Variants in CLYBL observed in about 807,000 individuals in gnomAD.
The protein encoded by CLYBL is citramalyl-CoA lyase, mitochondrial.
Under a neutral mutation model 38.9 loss-of-function variants are expected in CLYBL, and 31 were observed. The observed-to-expected ratio is 0.80, with a 90% CI of 0.60 to 1.08. The LOEUF (loss-of-function observed/expected upper bound fraction) is 1.08. Ranked by LOEUF, CLYBL falls within the 50% of genes least tolerant of loss-of-function variation. The pLI is 0.00. For missense variants in CLYBL, 434 were observed against 411.6 expected, an observed-to-expected ratio of 1.05 and a Z score of -0.47; for synonymous variants, 171 against 158.6, an observed-to-expected ratio of 1.08 and a Z score of -0.59.
intron 2 of CLYBL, among the ~76,000 whole-genome samples, chr13:99,808,649 G>C (rs1210129259): frequency 6.6e-6 from 1 of 152,176 alleles, no homozygotes; most frequent in African/African-American, 2.4e-5. Flanking sequence ...GGTGCCAATT[G>C]AGGTTTCAAC....
At chr13:99,789,293 G>A (rs542646762) in intron 2 of CLYBL, among the ~76,000 whole-genome samples, 2 of 152,194 alleles carry the variant, frequency 1.3e-5, no homozygotes, top group East Asian at 3.9e-4. Flanking sequence ...TGATGTTAGG[G>A]TGTCAATTTT....
chr13:99,623,584 A>AT (rs916555062), intron 1 of CLYBL, among the ~76,000 whole-genome samples: 1 of 151,920 alleles, frequency 6.6e-6, no homozygotes, highest in Non-Finnish European at 1.5e-5. Context: ...TTCTTTATTT[A>AT]TTTTTTAACA....
intron 1 of CLYBL, among the ~76,000 whole-genome samples, chr13:99,736,977 CAAAAAA>C (rs911453148): frequency 6.6e-6 from 1 of 150,798 alleles, no homozygotes; most frequent in Admixed American, 6.6e-5. Flanking sequence ...AAATGAAAGC[CAAAAAA>C]AACCCTTTAG....
At chr13:99,725,590 T>C (rs1315407552) in intron 1 of CLYBL, among the ~76,000 whole-genome samples, 1 of 152,222 alleles carries the variant, frequency 6.6e-6, no homozygotes, top group Admixed American at 6.5e-5. Flanking sequence ...GTGGGAAATG[T>C]TAACTGTTTT....
At position 99,869,684 on chromosome 13, in the gene CLYBL, G is replaced by A. The variant is rs573571306; in HGVS notation, c.803-1254G>A. ...AAACACTAAAAATATGTTTTTACAAGCATCATTCCTTTTTTCATTCTAATA... is the reference window on the plus strand; with the variant it reads ...AAACACTAAAAATATGTTTTTACAAACATCATTCCTTTTTTCATTCTAATA... On this transcript the variant is annotated intron_variant, in intron 6 of 8. Transcript: ENST00000339105. The surrounding 1 kb of genome is among the most constrained non-coding windows in gnomAD (Gnocchi z 4.3). Among the ~76,000 whole-genome samples, 13 of 152,122 alleles carry A rather than the reference G, an allele frequency of 8.5e-5. No individual in the cohort carries two copies. Among genetic ancestry groups the A allele is most frequent in the South Asian group, 6.2e-4 (3 of 4,810 alleles).
rs188728654 is a variant in CLYBL, at chr13:99,758,390, C to T, written c.63-14434C>T. 1.3e-3 allele frequency among the ~76,000 whole-genome samples: 203 copies of T among 152,288 alleles called. 1 individual carries two copies. Among genetic ancestry groups the T allele is most frequent in the African/African-American group, 4.6e-3 (192 of 41,556 alleles). ...CCATAAGGCTACCAGATTTTTTCAA[C>T]GCATCTTAAGCCCCTGCTTTGCATA... On this transcript the variant is annotated intron_variant, in intron 1 of 8. Coordinates refer to ENST00000339105, the MANE Select transcript of CLYBL (RefSeq NM_206808.5).
At chr13:99,672,680 G>A (rs1160659689) in intron 1 of CLYBL, among the ~76,000 whole-genome samples, 1 of 151,886 alleles carries the variant, frequency 6.6e-6, no homozygotes, top group Non-Finnish European at 1.5e-5. Context: ...GGAGGTGTGA[G>A]GATCACTTGA....
intron 1 of CLYBL, among the ~76,000 whole-genome samples, chr13:99,713,357 T>C (rs2048263762): frequency 7.1e-6 from 1 of 141,664 alleles, no homozygotes; most frequent in South Asian, 2.2e-4. Flanking sequence ...TTTTTTTTTT[T>C]AAGACAGAGT....
chr13:99,903,418 G>A (rs9585261), intron 8 of CLYBL, among the ~76,000 whole-genome samples: 11,626 of 141,052 alleles, frequency 0.082, 662 homozygotes, highest in African/African-American at 0.17. Flanking sequence ...TCACACACTC[G>A]CACACGCACA....
At chr13:99,650,819 G>A (rs1004008495) in intron 1 of CLYBL, among the ~76,000 whole-genome samples, 3 of 151,956 alleles carry the variant, frequency 2.0e-5, no homozygotes, top group Non-Finnish European at 2.9e-5. Context: ...ACGTCATTGC[G>A]CTCCTCTCCA....
At chr13:99,877,415 C>T (rs998574469) in intron 7 of CLYBL, among the ~76,000 whole-genome samples, 2 of 151,964 alleles carry the variant, frequency 1.3e-5, no homozygotes, top group Non-Finnish European at 2.9e-5. Context: ...TCTCCATTTC[C>T]TCTTTTTCTT....
At chr13:99,746,760 C>CTA (rs1193713554) in intron 1 of CLYBL, among the ~76,000 whole-genome samples, 1 of 152,198 alleles carries the variant, frequency 6.6e-6, no homozygotes, top group East Asian at 1.9e-4. Flanking sequence ...TTGACAGGTG[C>CTA]TATACCTCAT....
chr13:99,795,301 C>G (rs890308640), intron 2 of CLYBL, among the ~76,000 whole-genome samples: 6 of 152,144 alleles, frequency 3.9e-5, no homozygotes, highest in African/African-American at 1.4e-4. Flanking sequence ...CAAGTCTAGT[C>G]TAAGAAGCAG....
chr13:99,716,716 CT>C (rs1333121814), intron 1 of CLYBL, among the ~76,000 whole-genome samples: 1 of 147,214 alleles, frequency 6.8e-6, no homozygotes, highest in African/African-American at 2.5e-5. Flanking sequence ...AGTTTTTATG[CT>C]TTTTTCAGAA....
chr13:99,649,208 G>A (rs77173311), intron 1 of CLYBL, among the ~76,000 whole-genome samples: 3 of 151,936 alleles, frequency 2.0e-5, no homozygotes, highest in Non-Finnish European at 1.5e-5. Context: ...ACTAAACAGT[G>A]GGTTTTAAAA....
intron 1 of CLYBL, among the ~76,000 whole-genome samples, chr13:99,621,628 A>G (rs1722652007): frequency 6.6e-6 from 1 of 152,192 alleles, no homozygotes; most frequent in South Asian, 2.1e-4. Context: ...GTAACAGATT[A>G]TCGCAAACAT....
intron 1 of CLYBL, among the ~76,000 whole-genome samples, chr13:99,675,999 A>G (rs2047638417): frequency 6.6e-6 from 1 of 152,126 alleles, no homozygotes; most frequent in South Asian, 2.1e-4. Flanking sequence ...GATCACAGGC[A>G]CTGTGCCTCC....
At chr13:99,821,548 A>G (rs999863463) in intron 2 of CLYBL, among the ~76,000 whole-genome samples, 3 of 152,142 alleles carry the variant, frequency 2.0e-5, no homozygotes, top group African/African-American at 7.2e-5. Flanking sequence ...TGCGTGTTGC[A>G]AGGCACACCA....
At chr13:99,893,364 C>T (rs1273321291), downstream of CLYBL, 1 of 152,356 alleles carries the variant, frequency 6.6e-6, no homozygotes, top group Non-Finnish European at 1.5e-5. Context: ...TAACCCAGGA[C>T]CACGCTGTGC....
Sources: allele counts gnomAD v4.1 joint callset (sites outside exome capture counted in the v4.1 genomes callset), GRCh38; gene constraint gnomAD v4.1.1; non-coding constraint Gnocchi (gnomAD v3.1); transcripts MANE v1.5; gene names NCBI Gene and HGNC (gene_info 2026-07-23, HGNC 2026-07-21).